The following AKAP13 variants were observed in gnomAD, a reference collection of about 807,000 sequenced individuals.
AKAP13 encodes the protein A-kinase anchoring protein 13.
A neutral mutation model predicts 264.5 loss-of-function variants in AKAP13; 80 were observed. The observed-to-expected ratio is 0.30, with a 90% CI of 0.25 to 0.36. The LOEUF (loss-of-function observed/expected upper bound fraction) is 0.36. AKAP13 is among the 10% of genes least tolerant of loss of function. The pLI, the probability that AKAP13 is intolerant of heterozygous loss-of-function variation, is 1.00. For synonymous variants in AKAP13, 1,380 were observed against 1,250.2 expected (o/e 1.10, Z -2.19); for missense variants, 3,712 against 3,435.2 (o/e 1.08, Z -2.01).
rs546490476 is a variant in AKAP13 at position 85,657,343 on chromosome 15, A to C, written c.4746-1194A>C. On this transcript the variant is annotated intron_variant, in intron 11 of 36. Coordinates refer to ENST00000394518, the MANE Select transcript of AKAP13 (RefSeq NM_007200.5). The stretch of plus-strand genomic sequence containing the variant: ...TCTAGGTTCTGGAGATAGGTAAACA[A>C]GACAAAGTCCCTGCCTGCATGGAGC... Among the ~76,000 whole-genome samples the C allele has an allele frequency of 3.9e-5, 6 of 152,324 alleles. No homozygotes were observed. In the East Asian group the frequency reaches 1.2e-3, roughly 29 times the overall value.
intron 8 of AKAP13, among the ~76,000 whole-genome samples, chr15:85,637,435 C>T (rs938024642): frequency 2.0e-5 from 3 of 152,200 alleles, no homozygotes; most frequent in African/African-American, 7.2e-5. Context: ...CAGTAATGTT[C>T]GTAATATTTC....
intron 17 of AKAP13, among the ~76,000 whole-genome samples, chr15:85,707,276 G>T (rs1178533291): frequency 6.6e-6 from 1 of 152,190 alleles, no homozygotes; most frequent in African/African-American, 2.4e-5. Context: ...GGGTTTTTAC[G>T]TCAGTGGCCC....
chr15:85,550,002 C>T (rs946957022), intron 5 of AKAP13, among the ~76,000 whole-genome samples: 10 of 152,098 alleles, frequency 6.6e-5, no homozygotes, highest in Admixed American at 1.3e-4. Flanking sequence ...CTGCAGCCTC[C>T]ACCTCCCAGG....
chr15:85,482,029 C>G (rs1211772176), intron 1 of AKAP13, among the ~76,000 whole-genome samples: 2 of 152,218 alleles, frequency 1.3e-5, no homozygotes, highest in Non-Finnish European at 2.9e-5. Context: ...TGTGTTTACT[C>G]TGACCAAAAA....
chr15:85,737,754 C>T (rs2088646453), intron 33 of AKAP13, among the ~76,000 whole-genome samples: 2 of 152,062 alleles, frequency 1.3e-5, no homozygotes, highest in South Asian at 4.1e-4. Context: ...TCTCCTGCCT[C>T]GGCCTCCAGA....
Position 85,743,813 on chromosome 15 carries a change from T to C in AKAP13, c.8380T>C (p.Ser2794Pro), listed in dbSNP as rs1291233786. Residue 2794 changes from serine (S) to proline (P), a missense_variant, in exon 36 of 37, where the codon TCT (serine) becomes CCT (proline). By Grantham distance (74) the Ser-to-Pro change is moderately conservative. This residue lies in a region of AKAP13 where 611 missense variants were observed against 539.3 expected (regional missense o/e 1.13). Coordinates refer to ENST00000394518, the MANE Select transcript of AKAP13 (RefSeq NM_007200.5). ...EKKKKNKTSRSQPGDGPASEV... is the reference protein window; with the variant it reads ...EKKKKNKTSRPQPGDGPASEV... Reference sequence around the variant, plus strand: ...AAAAAAGAAGAACAAAACCAGCCGCTCTCAGCCCGGTGGTGAGTCACGCAC... The same window carrying C: ...AAAAAAGAAGAACAAAACCAGCCGCCCTCAGCCCGGTGGTGAGTCACGCAC... 6.2e-7 allele frequency: 1 copy of C among 1,610,226 alleles called. No individual in the cohort carries two copies. Among genetic ancestry groups the C allele is most frequent in the Non-Finnish European group, 8.5e-7 (1 of 1,178,400 alleles).
At chr15:85,741,967 C>T (rs1050651922) in intron 35 of AKAP13, among the ~76,000 whole-genome samples, 1 of 152,066 alleles carries the variant, frequency 6.6e-6, no homozygotes, top group African/African-American at 2.4e-5. Flanking sequence ...ATCGCTTGAA[C>T]CGGGGAGGTG....
chr15:85,499,384 G>A (rs552540266), intron 2 of AKAP13, among the ~76,000 whole-genome samples: 240 of 152,302 alleles, frequency 1.6e-3, no homozygotes, highest in African/African-American at 5.7e-3. Context: ...TGCAGTAGTA[G>A]CAGCAGCGCA....
rs2072984203 is a variant in AKAP13 at position 85,430,599 on chromosome 15, C to T, written c.-12+49801C>T. On this transcript the variant is annotated intron_variant, in intron 1 of 36. Transcript: ENST00000394518. ...AGCTGTCTTGAAGTTTTAGTCATTC[C>T]TACTCTTGTGGTTGGAGTGATACTG... 2.0e-5 allele frequency among the ~76,000 whole-genome samples: 3 copies of T among 152,134 alleles called. 1 individual carries two copies. The South Asian group carries it at 6.2e-4, about 32-fold the overall frequency.
intron 1 of AKAP13, among the ~76,000 whole-genome samples, chr15:85,385,431 A>C (rs1351407843): frequency 6.6e-6 from 1 of 152,186 alleles, no homozygotes; most frequent in Non-Finnish European, 1.5e-5. Context: ...ATTTTAGTGT[A>C]ACATTCTCTG....
At chr15:85,548,041 A>G (rs1324757535) in intron 5 of AKAP13, among the ~76,000 whole-genome samples, 1 of 152,326 alleles carries the variant, frequency 6.6e-6, no homozygotes, top group East Asian at 1.9e-4. Flanking sequence ...TAGTTATCTA[A>G]GAAGAAAATA....
chr15:85,695,259 C>G (rs967283053), intron 17 of AKAP13, among the ~76,000 whole-genome samples: 1 of 152,128 alleles, frequency 6.6e-6, no homozygotes, highest in African/African-American at 2.4e-5. Context: ...ACAAAGTTAG[C>G]TGGGCTTTGT....
chr15:85,516,255 A>G (rs901234645), intron 2 of AKAP13, among the ~76,000 whole-genome samples: 1 of 152,220 alleles, frequency 6.6e-6, no homozygotes. Context: ...CCTTTTATCA[A>G]TCACTTAATT....
intron 30 of AKAP13, among the ~76,000 whole-genome samples, chr15:85,730,974 T>G (rs1193501173): frequency 1.3e-5 from 2 of 150,752 alleles, no homozygotes; most frequent in Admixed American, 1.3e-4. Context: ...TTATTCTGAC[T>G]GTTTTTTAAT....
intron 5 of AKAP13, among the ~76,000 whole-genome samples, chr15:85,563,203 A>AT (rs1035624730): frequency 6.6e-6 from 1 of 151,288 alleles, no homozygotes; most frequent in Non-Finnish European, 1.5e-5. Flanking sequence ...GTGAATTGGT[A>AT]TTTTTTTCCT....
intron 5 of AKAP13, among the ~76,000 whole-genome samples, chr15:85,556,891 AT>A (rs2078166464): frequency 6.6e-6 from 1 of 152,132 alleles, no homozygotes; most frequent in East Asian, 1.9e-4. Context: ...CACCTGTTTT[AT>A]TTTCCTTAAG....
intron 15 of AKAP13, chr15:85,683,672 T>C (rs2084735571): frequency 6.6e-6 from 1 of 152,268 alleles, no homozygotes; most frequent in African/African-American, 2.4e-5. Context: ...GGTTTCACCA[T>C]GTTGGCGAGG....
At chr15:85,404,091 T>C (rs1463772086) in intron 1 of AKAP13, among the ~76,000 whole-genome samples, 1 of 152,152 alleles carries the variant, frequency 6.6e-6, no homozygotes, top group Non-Finnish European at 1.5e-5. Flanking sequence ...TAGTATAATC[T>C]AGCTTATCCT....
intron 17 of AKAP13, among the ~76,000 whole-genome samples, chr15:85,703,842 C>CAAAA (rs58183279): frequency 7.2e-6 from 1 of 138,040 alleles, no homozygotes; most frequent in African/African-American, 2.7e-5. Context: ...GACTCCATCT[C>CAAAA]AAAAAAAAAA....
Sources: gnomAD v4.1 joint callset for allele counts (sites outside exome capture counted in the v4.1 genomes callset) on GRCh38, gnomAD v4.1.1 for gene constraint, gnomAD v4.1.1 regional missense constraint, MANE v1.5 for transcripts, NCBI Gene and HGNC (gene_info 2026-07-23, HGNC 2026-07-21) for gene names.